Variants in TPRG1 observed in about 807,000 individuals in gnomAD.
The protein encoded by TPRG1 is tumor protein p63 regulated 1.
Under a neutral mutation model 29.3 loss-of-function variants are expected in TPRG1, and 29 were observed. The observed-to-expected ratio is 0.99, with a 90% CI of 0.74 to 1.35. The LOEUF (loss-of-function observed/expected upper bound fraction) is 1.35, where lower values mean the gene tolerates loss of function less well. Among genes scored for constraint, TPRG1 ranks in the 40% most tolerant of loss-of-function variants. The pLI is 0.00. For synonymous variants in TPRG1, 130 were observed against 116.8 expected (o/e 1.11, Z -0.73); for missense variants, 327 against 335.0 (o/e 0.98, Z 0.19).
intron 4 of TPRG1, among the ~76,000 whole-genome samples, chr3:189,278,018 G>A (rs1214901696): frequency 3.3e-5 from 5 of 152,150 alleles, no homozygotes; most frequent in Non-Finnish European, 7.3e-5. Context: ...AGATTTGTGA[G>A]CATTACATCA....
At chr3:189,064,198 C>A (rs978499782) in intron 4 of TPRG1, among the ~76,000 whole-genome samples, 11 of 152,094 alleles carry the variant, frequency 7.2e-5, no homozygotes, top group Non-Finnish European at 1.5e-4. Flanking sequence ...AGATCCAGGT[C>A]CCCAAAGGAA....
At chr3:189,154,459 T>C (rs1442882893) in intron 5 of TPRG1, among the ~76,000 whole-genome samples, 3 of 146,858 alleles carry the variant, frequency 2.0e-5, no homozygotes, top group Non-Finnish European at 4.5e-5. Context: ...TTTTTTTTTT[T>C]GACATGGAGT....
chr3:189,138,024 A>G (rs1011487816), intron 3 of TPRG1, among the ~76,000 whole-genome samples: 1 of 152,210 alleles, frequency 6.6e-6, no homozygotes, highest in East Asian at 1.9e-4. Context: ...TGAATAAGAC[A>G]TAGTGCCTGC....
chr3:189,107,821 G>A (rs984273300), intron 1 of TPRG1, among the ~76,000 whole-genome samples: 2 of 151,894 alleles, frequency 1.3e-5, no homozygotes, highest in African/African-American at 2.4e-5. Flanking sequence ...CTTAAATATG[G>A]TATCATTTAT....
chr3:189,050,906 G>A (rs913821908), intron 4 of TPRG1, among the ~76,000 whole-genome samples: 2 of 152,098 alleles, frequency 1.3e-5, no homozygotes, highest in Non-Finnish European at 2.9e-5. Context: ...GAAACTCTCA[G>A]CAAAATCGGC....
intron 1 of TPRG1, among the ~76,000 whole-genome samples, chr3:189,196,338 C>T (rs1014413817): frequency 7.9e-5 from 12 of 152,184 alleles, no homozygotes; most frequent in East Asian, 1.9e-4. Flanking sequence ...TTCTTGACTT[C>T]GGTAATTATT....
At chr3:189,200,297 A>G (rs925463908) in intron 1 of TPRG1, among the ~76,000 whole-genome samples, 5 of 152,198 alleles carry the variant, frequency 3.3e-5, no homozygotes, top group Non-Finnish European at 1.5e-5. Flanking sequence ...TCTTATCTCA[A>G]CTGGCACAGA....
intron 3 of TPRG1, among the ~76,000 whole-genome samples, chr3:189,220,666 T>G (rs1736802125): frequency 6.6e-6 from 1 of 152,310 alleles, no homozygotes; most frequent in South Asian, 2.1e-4. Flanking sequence ...TAGCTCCCAC[T>G]TATAAGTCAG....
intron 1 of TPRG1, among the ~76,000 whole-genome samples, chr3:189,182,703 G>A (rs942601615): frequency 6.6e-6 from 1 of 151,988 alleles, no homozygotes; most frequent in Non-Finnish European, 1.5e-5. Flanking sequence ...ACGTAAAAAG[G>A]GAGCAACATG....
At chr3:189,117,220 G>A (rs1440784322) in intron 1 of TPRG1, among the ~76,000 whole-genome samples, 1 of 152,180 alleles carries the variant, frequency 6.6e-6, no homozygotes, top group African/African-American at 2.4e-5. Flanking sequence ...AAGAAGGTAA[G>A]CATATATAAG....
chr3:189,109,294 C>G (rs973989645), intron 1 of TPRG1, among the ~76,000 whole-genome samples: 1 of 152,210 alleles, frequency 6.6e-6, no homozygotes, highest in African/African-American at 2.4e-5. Context: ...AAACGACTGT[C>G]TAGTGCGTGT....
At chr3:189,204,945 T>TCACACACACACA (rs1206636743) in intron 1 of TPRG1, among the ~76,000 whole-genome samples, 20 of 92,752 alleles carry the variant, frequency 2.2e-4, no homozygotes, top group African/African-American at 3.6e-4. Flanking sequence ...TCTCTCTCTC[T>TCACACACACACA]CTCACACACA....
chr3:189,143,736 T>G (rs547765284), intron 3 of TPRG1, among the ~76,000 whole-genome samples: 2 of 152,312 alleles, frequency 1.3e-5, no homozygotes, highest in East Asian at 3.9e-4. Flanking sequence ...ATAACATGTT[T>G]TCATATGTTT....
chr3:189,078,068 C>CTTTCTTTCTTT (rs57725294), intron 4 of TPRG1, among the ~76,000 whole-genome samples: 1 of 124,072 alleles, frequency 8.1e-6, no homozygotes, highest in African/African-American at 3.4e-5. Context: ...TCCTTTCTCT[C>CTTTCTTTCTTT]CTTTCTCTCT....
At chr3:189,284,042 G>T (rs570961578) in intron 4 of TPRG1, among the ~76,000 whole-genome samples, 6 of 152,282 alleles carry the variant, frequency 3.9e-5, no homozygotes, top group African/African-American at 1.4e-4. Context: ...AAAAATGAAT[G>T]CACCGATGCA....
intron 3 of TPRG1, among the ~76,000 whole-genome samples, chr3:189,138,346 T>C (rs1724047226): frequency 6.6e-6 from 1 of 152,204 alleles, no homozygotes; most frequent in Admixed American, 6.5e-5. Context: ...TGAGATAAAG[T>C]CAATGATTGC....
intron 4 of TPRG1, among the ~76,000 whole-genome samples, chr3:189,245,542 T>C (rs1372033172): frequency 3.3e-5 from 5 of 152,152 alleles, no homozygotes; most frequent in Admixed American, 1.3e-4. Context: ...TTAATTCTAA[T>C]TTAGAGAGCA....
At chr3:189,063,343 G>T (rs1716236740) in intron 4 of TPRG1, among the ~76,000 whole-genome samples, 1 of 152,080 alleles carries the variant, frequency 6.6e-6, no homozygotes, top group Admixed American at 6.6e-5. Flanking sequence ...GCAACTGATA[G>T]AACTCCTAGA....
Position 189,177,060 on chromosome 3 carries a change from G to T in TPRG1, c.-10+4929G>T, listed in dbSNP as rs553049718. Among the ~76,000 whole-genome samples, 25 of 152,264 alleles carry T rather than the reference G, an allele frequency of 1.6e-4. No homozygotes were observed. The East Asian group carries it at 3.9e-3, about 24-fold the overall frequency. On this transcript the variant is annotated intron_variant, in intron 1 of 5. Coordinates refer to ENST00000345063, the MANE Select transcript of TPRG1 (RefSeq NM_198485.4). ...GAAGAGAGATTCTTAGGGAGTTATT[G>T]CTATAATCCAGATGAATGATGTGGA...
Sources: allele counts gnomAD v4.1 joint callset (sites outside exome capture counted in the v4.1 genomes callset), GRCh38; gene constraint gnomAD v4.1.1; transcripts MANE v1.5; gene names NCBI Gene and HGNC (gene_info 2026-07-23, HGNC 2026-07-21).